Variants in NUP88 observed in about 807,000 individuals in gnomAD.
The protein encoded by NUP88 is nucleoporin 88, also known as nuclear pore complex protein Nup88.
In NUP88, 57 loss-of-function variants were observed where a neutral mutation model predicts 93.9. The observed-to-expected ratio is 0.61, with a 90% CI of 0.49 to 0.76. NUP88 has a LOEUF of 0.76. Ranked by LOEUF, NUP88 falls within the 30% of genes least tolerant of loss-of-function variation. The probability of loss-of-function intolerance (pLI) is 0.00; values close to 1 mark genes in which losing one functional copy is unlikely to be tolerated. For missense variants in NUP88, 911 were observed against 901.0 expected (o/e 1.01, Z -0.14); for synonymous variants, 346 against 336.8 (o/e 1.03, Z -0.30).
At chr17:5,416,215 C>T (rs896011638) in intron 2 of NUP88, among the ~76,000 whole-genome samples, 4 of 129,520 alleles carry the variant, frequency 3.1e-5, no homozygotes, top group Admixed American at 1.5e-4. Flanking sequence ...ACATAAAATA[C>T]TTACACTTCT....
In NUP88 at chr17:5,386,719, G is replaced by A. The variant is rs1328958397; in HGVS notation, c.2151C>T (p.Ile717=). The A allele has an allele frequency of 6.2e-7, 1 of 1,603,014 alleles. No homozygotes were observed. Among genetic ancestry groups the A allele is most frequent in the East Asian group, 2.2e-5 (1 of 44,784 alleles). The change falls in exon 16 of 17, where the codon ATC becomes ATT. Residue 717 remains isoleucine (I), a synonymous_variant. Transcript: ENST00000573584. ...AAGTATTTACTTACTCCTCTTTCAG[G>A]ATGGACTGAATGCACTTTCGCTGGT... ...SAYQRKCIQS[I]LKEEGEHIRE... is the part of the protein sequence containing the mutation.
At chr17:5,402,537 G>A (rs933629646) in intron 7 of NUP88, among the ~76,000 whole-genome samples, 2 of 152,160 alleles carry the variant, frequency 1.3e-5, no homozygotes, top group Non-Finnish European at 2.9e-5. Flanking sequence ...GGTTTGTTAT[G>A]TAAGGAATTC....
chr17:5,408,423 G>A (rs1006804297), intron 5 of NUP88, among the ~76,000 whole-genome samples: 10 of 152,166 alleles, frequency 6.6e-5, no homozygotes, highest in Non-Finnish European at 1.2e-4. Context: ...AGATTACCAC[G>A]CCTACGTGGT....
intron 1 of NUP88, chr17:5,418,041 G>GA (rs570972040): frequency 6.6e-6 from 1 of 151,242 alleles, no homozygotes; most frequent in African/African-American, 2.4e-5. Flanking sequence ...TCGCGGGGGG[G>GA]GCTGAGGCAG....
chr17:5,416,144 C>CAAAAAAA (rs1206275413), intron 2 of NUP88, among the ~76,000 whole-genome samples: 1 of 72,656 alleles, frequency 1.4e-5, no homozygotes. Context: ...GACTCCATCT[C>CAAAAAAA]AAAAAAAAAA....
chr17:5,410,732 G>A lies in NUP88; in HGVS notation c.651C>T (p.Ala217=), dbSNP rs914098502. 12 of 1,611,324 alleles carry A rather than the reference G, an allele frequency of 7.4e-6. No homozygotes were observed. Among genetic ancestry groups the A allele is most frequent in the African/African-American group, 5.3e-5 (4 of 74,812 alleles). The part of the protein sequence containing the change: ...TPTNVIILSE[A]EEESLVLNKG... The stretch of plus-strand genomic sequence containing the variant: ...TATTGAGTACTAGACTTTCCTCTTC[G>A]GCTTCTGAAAGTATTATCACGTTAG... Residue 217 remains alanine (A), a synonymous_variant, in exon 4 of 17, where the codon GCC becomes GCT. Transcript: ENST00000573584.
rs199804588 is a variant in NUP88, at chr17:5,400,139, T to TAAAAAAAAA, written c.1193-490_1193-489insTTTTTTTTT. On this transcript the variant is annotated intron_variant, in intron 7 of 16. Coordinates refer to ENST00000573584, the MANE Select transcript of NUP88 (RefSeq NM_002532.6). ...GCAGGGTTGCCACATCTTTCATTTG[T>TAAAAAAAAA]TAAAAAAAAAAAAAAAAAGCACTGT... Among the ~76,000 whole-genome samples, 89 of 111,632 alleles carry TAAAAAAAAA rather than the reference T, an allele frequency of 8.0e-4. 14 individuals carry two copies. The highest frequency in any genetic ancestry group is 2.1e-3 in the African/African-American group (60 of 29,252). 73.2% of individuals were successfully genotyped at this position (111,632 alleles called of 152,430 possible).
chr17:5,408,749 T>C lies in NUP88; in HGVS notation c.841A>G (p.Ile281Val), dbSNP rs1006920554. 3.1e-6 allele frequency: 5 copies of C among 1,607,156 alleles called. No homozygotes were observed. Among genetic ancestry groups the C allele is most frequent in the South Asian group, 2.2e-5 (2 of 89,814 alleles). ...YENGETFLTYISLLHSPGNIG... is the reference protein window; with the variant it reads ...YENGETFLTYVSLLHSPGNIG... ...TCAACTTACCTGTGTAACAGACTGA[T>C]GTATGTCAGGAAAGTCTCTCCATTT... The change falls in exon 5 of 17, where the codon ATC becomes GTC. Residue 281 changes from isoleucine to valine, a missense_variant. By Grantham distance (29) the Ile-to-Val change is conservative (BLOSUM62 3). Coordinates refer to ENST00000573584, the MANE Select transcript of NUP88 (RefSeq NM_002532.6).
chr17:5,416,158 A>AGTATATAT (rs1398677145), intron 2 of NUP88, among the ~76,000 whole-genome samples: 2,170 of 92,626 alleles, frequency 0.023, 29 homozygotes, highest in Middle Eastern at 0.03. Flanking sequence ...AAAAAAAAAA[A>AGTATATAT]AAAAAAAAGT....
chr17:5,418,216 A>G (rs1040689670), intron 1 of NUP88: 4 of 152,112 alleles, frequency 2.6e-5, no homozygotes, highest in African/African-American at 9.7e-5. Context: ...ACACAGCAGT[A>G]TAGAATGTTA....
intron 1 of NUP88, among the ~76,000 whole-genome samples, chr17:5,418,843 A>G (rs1914378253): frequency 6.6e-6 from 1 of 152,212 alleles, no homozygotes; most frequent in Non-Finnish European, 1.5e-5. Context: ...CTGTCGGCTA[A>G]TCAAAAACAA....
chr17:5,414,352 C>T (rs569554914), intron 2 of NUP88, among the ~76,000 whole-genome samples: 4 of 152,028 alleles, frequency 2.6e-5, no homozygotes, highest in African/African-American at 4.8e-5. Context: ...CCTGCCACCT[C>T]GCCCAGCGAA....
intron 14 of NUP88, 61 bp from the exon 15 acceptor site, chr17:5,387,171 T>C (rs1184130889): frequency 6.4e-7 from 1 of 1,564,022 alleles, no homozygotes; most frequent in Non-Finnish European, 8.7e-7. Context: ...AGAAACATAA[T>C]CACAAGCTCA....
Position 5,386,223 on chromosome 17 carries a change from T to C in NUP88, c.2209A>G (p.Asn737Asp), listed in dbSNP as rs1911956632. 2.5e-6 allele frequency: 4 copies of C among 1,613,498 alleles called. No individual in the cohort carries two copies. In the South Asian group the frequency reaches 4.4e-5, roughly 18 times the overall value. Residue 737 changes from asparagine (N) to aspartate (D), a missense_variant, in exon 17 of 17, where the codon AAT becomes GAT. Coordinates refer to ENST00000573584, the MANE Select transcript of NUP88 (RefSeq NM_002532.6). ...EMVKQINDIR[N>D]HVNF ...TGGTGGTGTCAGAAGTTTACATGAT[T>C]GCGGATATCATTGATTTGCTTCACC...
At chr17:5,395,532 A>G (rs1170140150) in intron 8 of NUP88, among the ~76,000 whole-genome samples, 1 of 129,298 alleles carries the variant, frequency 7.7e-6, no homozygotes, top group Non-Finnish European at 1.6e-5. Flanking sequence ...AATTTATAAC[A>G]GCTTTATTTT....
chr17:5,403,267 G>A (rs1377535889), intron 7 of NUP88, among the ~76,000 whole-genome samples: 2 of 151,980 alleles, frequency 1.3e-5, no homozygotes, highest in African/African-American at 4.8e-5. Flanking sequence ...CACAAGGTCA[G>A]GAGTTCGATA....
intron 9 of NUP88, among the ~76,000 whole-genome samples, 184 bp from the exon 10 acceptor site, chr17:5,391,846 A>T (rs746879302): frequency 2.6e-5 from 4 of 152,210 alleles, no homozygotes; most frequent in Non-Finnish European, 5.9e-5. Flanking sequence ...TAAAGTCTAG[A>T]GCCCATGTGA....
intron 7 of NUP88, among the ~76,000 whole-genome samples, chr17:5,402,530 T>G (rs902286617): frequency 6.6e-6 from 1 of 152,218 alleles, no homozygotes; most frequent in Non-Finnish European, 1.5e-5. Context: ...CTTTGCTGGT[T>G]TGTTATGTAA....
chr17:5,419,239 A>T (rs1420790023), intron 1 of NUP88, 115 bp downstream of exon 1: 6 of 1,207,394 alleles, frequency 5.0e-6, no homozygotes. Flanking sequence ...GCAGCGTCGG[A>T]GTCAATCCGC....
Sources: allele counts gnomAD v4.1 joint callset (sites outside exome capture counted in the v4.1 genomes callset), GRCh38; gene constraint gnomAD v4.1.1; transcripts MANE v1.5; gene names NCBI Gene and HGNC (gene_info 2026-07-23, HGNC 2026-07-21).